The following PTCD3 variants were observed in gnomAD, a reference collection of about 807,000 sequenced individuals.
PTCD3 encodes pentatricopeptide repeat domain 3.
A neutral mutation model predicts 101.9 loss-of-function variants in PTCD3; 89 were observed. That is an observed-to-expected ratio of 0.87 (90% confidence interval 0.74 to 1.04). The LOEUF is 1.04. PTCD3 is among the 50% of genes least tolerant of loss of function. The probability of loss-of-function intolerance (pLI) is 0.00; values close to 1 mark genes in which losing one functional copy is unlikely to be tolerated. For missense variants in PTCD3, 870 were observed against 828.2 expected (o/e 1.05, Z -0.62); for synonymous variants, 296 against 278.5 (o/e 1.06, Z -0.63).
chr2:86,134,841 T>G lies in PTCD3; in HGVS notation c.1632T>G (p.Leu544=), dbSNP rs780680020. Residue 544 remains leucine (L), a splice_region_variant and synonymous_variant, in exon 21 of 24, where the codon CTT becomes CTG. Coordinates refer to ENST00000254630, the MANE Select transcript of PTCD3 (RefSeq NM_017952.6). ...CTGCTGACTCCTAAGCTTCTCAGCT[T>G]CAGGTGGCATTTGCTGACTGTGCTG... ...LMARDKHPPE[L]QVAFADCAAD... is the part of the protein sequence containing the mutation. The G allele has an allele frequency of 1.9e-6, 3 of 1,614,048 alleles. No homozygotes were observed. Among genetic ancestry groups the G allele is most frequent in the Non-Finnish European group, 2.5e-6 (3 of 1,180,002 alleles).
chr2:86,125,230 C>G, intron 10 of PTCD3, 148 bp downstream of exon 10: 1 of 1,352,260 alleles, frequency 7.4e-7, no homozygotes, highest in Non-Finnish European at 9.9e-7. Flanking sequence ...CTTCTACCCA[C>G]TGGATGTGAG....
intron 5 of PTCD3, among the ~76,000 whole-genome samples, chr2:86,116,832 A>G (rs1203325454): frequency 6.6e-6 from 1 of 152,236 alleles, no homozygotes; most frequent in Non-Finnish European, 1.5e-5. Flanking sequence ...TGACCCACTC[A>G]GTTTAAATGG....
In PTCD3 at chr2:86,137,649, C is replaced by G; in HGVS notation, c.*90C>G. 1.9e-6 allele frequency: 3 copies of G among 1,553,350 alleles called. No homozygotes were observed. Among genetic ancestry groups the G allele is most frequent in the Non-Finnish European group, 2.6e-6 (3 of 1,147,280 alleles). On this transcript the variant is annotated 3_prime_UTR_variant, in exon 24 of 24. Coordinates refer to ENST00000254630, the MANE Select transcript of PTCD3 (RefSeq NM_017952.6). Reference sequence around the variant, plus strand: ...GATATACCAATATTTAACATTGTTACAAAGAAGAAAAGATACAGATTTGGT... The same window carrying G: ...GATATACCAATATTTAACATTGTTAGAAAGAAGAAAAGATACAGATTTGGT...
chr2:86,123,613 C>T, intron 8 of PTCD3, 88 bp from the exon 9 acceptor site: 1 of 990,572 alleles, frequency 1.0e-6, no homozygotes, highest in Non-Finnish European at 1.5e-6. Flanking sequence ...TTCTGAGTTC[C>T]CTTTGCCTTT....
In PTCD3 at chr2:86,141,213, G is replaced by A. The variant is rs1674679503; in HGVS notation, c.*3654G>A. On this transcript the variant is annotated 3_prime_UTR_variant, in exon 24 of 24. Coordinates refer to ENST00000254630, the MANE Select transcript of PTCD3 (RefSeq NM_017952.6). ...AAACCTACTCCTCACATGGGTAAGA[G>A]TTGCAGTGGGCAGGTGACCCTCCTC... is the stretch of plus-strand genomic sequence containing the variant. 6.6e-6 allele frequency: 1 copy of A among 152,158 alleles called. No homozygotes were observed. Among genetic ancestry groups the A allele is most frequent in the Admixed American group, 6.6e-5 (1 of 15,266 alleles). The allele number at this position is 152,158 out of a possible 1,614,324, so 9.4% of individuals were successfully genotyped here.
At chr2:86,114,459 T>G (rs1218843128) in intron 4 of PTCD3, among the ~76,000 whole-genome samples, 1 of 152,022 alleles carries the variant, frequency 6.6e-6, no homozygotes, top group Non-Finnish European at 1.5e-5. Context: ...CCGGCTAATT[T>G]TTGTATTTTT....
intron 4 of PTCD3, among the ~76,000 whole-genome samples, chr2:86,115,507 G>C (rs1466270018): frequency 6.6e-6 from 1 of 152,196 alleles, no homozygotes; most frequent in African/African-American, 2.4e-5. Flanking sequence ...TTTTTGAAAG[G>C]GGTAGCAGAA....
rs751814043 is a variant in PTCD3 at position 86,134,831 on chromosome 2, C to G, written c.1630-8C>G. The G allele has an allele frequency of 6.2e-7, 1 of 1,613,848 alleles. No individual in the cohort carries two copies. Among genetic ancestry groups the G allele is most frequent in the Admixed American group, 1.7e-5 (1 of 60,002 alleles). On this transcript the variant is annotated splice_region_variant and splice_polypyrimidine_tract_variant and intron_variant, in intron 20 of 23. Coordinates refer to ENST00000254630, the MANE Select transcript of PTCD3 (RefSeq NM_017952.6). ...TTAGGCAGTTCTGCTGACTCCTAAGCTTCTCAGCTTCAGGTGGCATTTGCT... is the reference window on the plus strand; with the variant it reads ...TTAGGCAGTTCTGCTGACTCCTAAGGTTCTCAGCTTCAGGTGGCATTTGCT...
At position 86,127,630 on chromosome 2, in the gene PTCD3, G is replaced by A. The variant is rs150245027; in HGVS notation, c.1097-311G>A. 1.0e-4 allele frequency: 49 copies of A among 469,236 alleles called. No individual in the cohort carries two copies. In the East Asian group the frequency reaches 1.9e-3, roughly 18 times the overall value. 29.1% of individuals were successfully genotyped at this position (469,236 alleles called of 1,614,324 possible). Reference sequence around the variant, plus strand: ...GAACCTAAGTGTGTGCTAGTGTATTGTATATTTTTCATTAATTACTTTATT... The same window carrying A: ...GAACCTAAGTGTGTGCTAGTGTATTATATATTTTTCATTAATTACTTTATT... On this transcript the variant is annotated intron_variant, in intron 13 of 23. Coordinates refer to ENST00000254630, the MANE Select transcript of PTCD3 (RefSeq NM_017952.6).
chr2:86,128,312 G>C (rs898294542), intron 14 of PTCD3, among the ~76,000 whole-genome samples: 2 of 130,208 alleles, frequency 1.5e-5, no homozygotes, highest in African/African-American at 5.8e-5. Flanking sequence ...AATTATTCTT[G>C]AGGGTAGCAA....
At position 86,121,493 on chromosome 2, in the gene PTCD3, C is replaced by T. The variant is rs760680182; in HGVS notation, c.553C>T (p.Leu185Phe). The T allele has an allele frequency of 2.5e-5, 40 of 1,602,728 alleles. No individual in the cohort carries two copies. The highest frequency in any genetic ancestry group is 3.1e-5 in the Non-Finnish European group (37 of 1,175,634). Residue 185 changes from leucine (L) to phenylalanine (F), a missense_variant, in exon 8 of 24, where the codon CTT (leucine) becomes TTT (phenylalanine). Transcript: ENST00000254630. ...QLLQAGTTVS[L>F]ETTNSLLDLL... is the part of the protein sequence containing the mutation. ...CTTACCCACAGGAACCACTGTGTCT[C>T]TTGAAACAACAAATAGTCTCTTGGA...
Position 86,119,047 on chromosome 2 carries a change from G to A in PTCD3, c.538+3G>A. On this transcript the variant is annotated splice_donor_region_variant and intron_variant, in intron 7 of 23. Coordinates refer to ENST00000254630, the MANE Select transcript of PTCD3 (RefSeq NM_017952.6). The stretch of plus-strand genomic sequence containing the variant: ...GTTTGATCAGCTTTTGCAAGCAGGT[G>A]ACTGAGTTCGATTAAAGCCCCTCTA... 6.2e-7 allele frequency: 1 copy of A among 1,613,200 alleles called. No homozygotes were observed. The highest frequency in any genetic ancestry group is 1.1e-5 in the South Asian group (1 of 90,972).
intron 8 of PTCD3, among the ~76,000 whole-genome samples, chr2:86,122,869 A>C (rs1323724648): frequency 6.6e-6 from 1 of 152,168 alleles, no homozygotes; most frequent in Non-Finnish European, 1.5e-5. Context: ...CAGGCTACAG[A>C]GCCAACACTG....
intron 8 of PTCD3, among the ~76,000 whole-genome samples, chr2:86,123,055 C>G (rs140228527): frequency 1.3e-5 from 2 of 151,940 alleles, no homozygotes; most frequent in Non-Finnish European, 2.9e-5. Context: ...GTCAGGAGAT[C>G]GAGACCATCC....
chr2:86,116,695 CA>C, intron 5 of PTCD3, 97 bp downstream of exon 5: 1 of 916,036 alleles, frequency 1.1e-6, no homozygotes, highest in Non-Finnish European at 1.7e-6. Flanking sequence ...GAAAGGTTTA[CA>C]AATGCTGAGA....
chr2:86,135,021 G>T lies in PTCD3; in HGVS notation c.1778+34G>T, dbSNP rs765085171. ...AGTACCACAAGTATACACTTTAGAAGCTTTTGTATTTGAATCTAAAACATT... is the reference window on the plus strand; with the variant it reads ...AGTACCACAAGTATACACTTTAGAATCTTTTGTATTTGAATCTAAAACATT... On this transcript the variant is annotated intron_variant, in intron 21 of 23. Transcript: ENST00000254630. 16 of 1,570,936 alleles carry T rather than the reference G, an allele frequency of 1.0e-5. 1 individual carries two copies. In the South Asian group the frequency reaches 1.7e-4, roughly 17 times the overall value.
intron 17 of PTCD3, 178 bp downstream of exon 17, chr2:86,132,602 C>T: frequency 2.4e-6 from 1 of 410,968 alleles, no homozygotes; most frequent in East Asian, 4.4e-5. Context: ...ATTTGAAAGA[C>T]TAGTTTGTGT....
chr2:86,114,760 C>T (rs574316781), intron 4 of PTCD3, among the ~76,000 whole-genome samples: 11 of 152,238 alleles, frequency 7.2e-5, no homozygotes, highest in African/African-American at 1.9e-4. Context: ...GTGAGGTCTC[C>T]GTGACCACTC....
chr2:86,141,923 A>G lies in PTCD3; in HGVS notation c.*4364A>G, dbSNP rs1226513863. ...TTGAAGTAGCACTGAGAATCCAAGA[A>G]GAGGCTCCGCTGCTTTTTGCACATG... On this transcript the variant is annotated 3_prime_UTR_variant, in exon 24 of 24. Transcript: ENST00000254630. 6.6e-6 allele frequency: 1 copy of G among 152,046 alleles called. No homozygotes were observed. Among genetic ancestry groups the G allele is most frequent in the African/African-American group, 2.4e-5 (1 of 41,240 alleles). The allele number at this position is 152,046 out of a possible 1,614,324, so 9.4% of individuals were successfully genotyped here.
Sources: gnomAD v4.1 joint callset for allele counts (sites outside exome capture counted in the v4.1 genomes callset) on GRCh38, gnomAD v4.1.1 for gene constraint, MANE v1.5 for transcripts, NCBI Gene and HGNC (gene_info 2026-07-23, HGNC 2026-07-21) for gene names.